Variants in CHST8 observed in about 807,000 individuals in gnomAD.
CHST8 encodes carbohydrate sulfotransferase 8.
CHST8 carries 10 observed loss-of-function variants against 15.0 expected under a neutral mutation model. The observed-to-expected ratio is 0.67, with a 90% CI of 0.41 to 1.13. The LOEUF (loss-of-function observed/expected upper bound fraction) is 1.13. CHST8 is among the 50% of genes most tolerant of loss of function. The pLI, the probability that CHST8 is intolerant of heterozygous loss-of-function variation, is 0.00. For missense variants in CHST8, 634 were observed against 608.2 expected (o/e 1.04, Z -0.45); for synonymous variants, 259 against 256.6 (o/e 1.01, Z -0.09).
At chr19:33,657,427 C>A (rs1972525125) in intron 1 of CHST8, among the ~76,000 whole-genome samples, 1 of 151,976 alleles carries the variant, frequency 6.6e-6, no homozygotes, top group Admixed American at 6.6e-5. Flanking sequence ...CACCACCACG[C>A]CTGCCTAATT....
chr19:33,644,611 T>G lies in CHST8; in HGVS notation c.-164+22315T>G, dbSNP rs906503684. On this transcript the variant is annotated intron_variant, in intron 1 of 4. Transcript: ENST00000650847. ...TTTTAATTAGCCAGGCATGGTGGTG[T>G]GCACTTGTAGTCCCAGCAACTTGAG... 7.4e-4 allele frequency among the ~76,000 whole-genome samples: 112 copies of G among 151,982 alleles called. 1 individual carries two copies. The highest frequency in any genetic ancestry group is 2.7e-3 in the African/African-American group (110 of 41,362).
intron 1 of CHST8, among the ~76,000 whole-genome samples, chr19:33,635,561 C>T (rs891442401): frequency 6.6e-5 from 10 of 152,142 alleles, no homozygotes; most frequent in African/African-American, 2.4e-4. Flanking sequence ...GTTATGATGG[C>T]ACCTCCTCCA....
At chr19:33,705,562 G>A (rs1018811230) in intron 3 of CHST8, among the ~76,000 whole-genome samples, 1 of 152,226 alleles carries the variant, frequency 6.6e-6, no homozygotes, top group African/African-American at 2.4e-5. Context: ...TTCAAGCAAA[G>A]CTTTCCTGCG....
At chr19:33,637,222 T>C (rs528110413) in intron 1 of CHST8, among the ~76,000 whole-genome samples, 1 of 152,112 alleles carries the variant, frequency 6.6e-6, no homozygotes, top group South Asian at 2.1e-4. Flanking sequence ...ATGACCTGTA[T>C]CTTGTGCTGA....
At chr19:33,674,427 G>A (rs979640988) in intron 2 of CHST8, among the ~76,000 whole-genome samples, 7 of 152,276 alleles carry the variant, frequency 4.6e-5, no homozygotes, top group Non-Finnish European at 2.9e-5. Flanking sequence ...TTTTAATTAC[G>A]GCTCCCATGC....
chr19:33,655,726 T>G (rs1216039591), intron 1 of CHST8, among the ~76,000 whole-genome samples: 1 of 152,186 alleles, frequency 6.6e-6, no homozygotes, highest in Non-Finnish European at 1.5e-5. Flanking sequence ...TTTATAAATT[T>G]TTTTTGCATC....
chr19:33,757,517 A>AGAAG (rs1222924466), intron 3 of CHST8, among the ~76,000 whole-genome samples: 1 of 67,742 alleles, frequency 1.5e-5, no homozygotes, highest in Non-Finnish European at 2.9e-5. Context: ...AAAGAAAGAA[A>AGAAG]GAAAGAGAAA....
intron 3 of CHST8, among the ~76,000 whole-genome samples, chr19:33,706,558 G>A (rs1415408513): frequency 6.6e-6 from 1 of 152,098 alleles, no homozygotes; most frequent in Non-Finnish European, 1.5e-5. Context: ...AAATGACTTG[G>A]GCCCCACAGA....
At chr19:33,647,503 T>C (rs985081469) in intron 1 of CHST8, among the ~76,000 whole-genome samples, 1 of 152,026 alleles carries the variant, frequency 6.6e-6, no homozygotes, top group South Asian at 2.1e-4. Flanking sequence ...ACACTGGAGA[T>C]TGTGAATAGG....
intron 1 of CHST8, among the ~76,000 whole-genome samples, chr19:33,647,858 TAAATA>T (rs918494211): frequency 1.1e-4 from 17 of 151,100 alleles, no homozygotes; most frequent in Admixed American, 9.9e-4. Flanking sequence ...AATAAATAAA[TAAATA>T]AAATAAAATA....
chr19:33,689,306 T>C lies in CHST8; in HGVS notation c.45T>C (p.Ser15=). The change falls in exon 3 of 5, where the codon TCT becomes TCC. Residue 15 remains serine (S), a synonymous_variant. Coordinates refer to ENST00000650847, the MANE Select transcript of CHST8 (RefSeq NM_001127895.2). ...CAATGCGGCTGGCCTGCATGTTCTC[T>C]TCCATCCTGCTGTTCGGAGCTGCAG... is the stretch of plus-strand genomic sequence containing the variant. ...PGTMRLACMF[S]SILLFGAAGL... The C allele has an allele frequency of 6.2e-7, 1 of 1,609,574 alleles. No individual in the cohort carries two copies. The highest frequency in any genetic ancestry group is 8.5e-7 in the Non-Finnish European group (1 of 1,178,464).
intron 1 of CHST8, among the ~76,000 whole-genome samples, chr19:33,643,892 T>G (rs1376113874): frequency 6.6e-6 from 1 of 152,248 alleles, no homozygotes; most frequent in African/African-American, 2.4e-5. Context: ...CTATTTATCC[T>G]TACAAATAAG....
chr19:33,752,095 C>T (rs920709744), intron 3 of CHST8, among the ~76,000 whole-genome samples: 35 of 152,182 alleles, frequency 2.3e-4, no homozygotes, highest in Admixed American at 2.3e-3. Flanking sequence ...GCTGCCTGAG[C>T]CCCAGGACGA....
Position 33,771,914 on chromosome 19 carries a change from G to A in CHST8, c.169-43G>A, listed in dbSNP as rs550262392. On this transcript the variant is annotated intron_variant, in intron 4 of 4. Coordinates refer to ENST00000650847, the MANE Select transcript of CHST8 (RefSeq NM_001127895.2). ...TGACCTGTGTGGCCCTCAGTGCCCA[G>A]CTGTCCTTTCCACTCAGATAACCAC... 27 of 1,522,998 alleles carry A rather than the reference G, an allele frequency of 1.8e-5. No homozygotes were observed. In the African/African-American group the frequency reaches 2.8e-4, roughly 16 times the overall value. The allele number at this position is 1,522,998 out of a possible 1,614,324, so 94.3% of individuals were successfully genotyped here.
intron 3 of CHST8, among the ~76,000 whole-genome samples, chr19:33,700,106 G>A (rs1324952646): frequency 3.3e-5 from 5 of 152,182 alleles, no homozygotes; most frequent in African/African-American, 1.2e-4. Flanking sequence ...ACTCCTTCCT[G>A]GGCTGGTACC....
At position 33,757,462 on chromosome 19, in the gene CHST8, GAAA is replaced by G. The variant is rs1974589945; in HGVS notation, c.131-13950_131-13948del. ...AGAAAGAAAGAAAGAAAGAAAGAAA[GAAA>G]GAAAGAAAGAAAGAAAGAAAGAAAG... is the stretch of plus-strand genomic sequence containing the variant. On this transcript the variant is annotated intron_variant, in intron 3 of 4. Coordinates refer to ENST00000650847, the MANE Select transcript of CHST8 (RefSeq NM_001127895.2). Among the ~76,000 whole-genome samples, 24 of 38,142 alleles carry G rather than the reference GAAA, an allele frequency of 6.3e-4. 7 individuals carry two copies. The highest frequency in any genetic ancestry group is 1.1e-3 in the Non-Finnish European group (20 of 18,934). The allele number at this position is 38,142 out of a possible 152,430, so 25.0% of individuals were successfully genotyped here.
intron 1 of CHST8, among the ~76,000 whole-genome samples, chr19:33,633,073 C>T (rs540968359): frequency 1.3e-5 from 2 of 152,236 alleles, no homozygotes; most frequent in South Asian, 4.1e-4. Flanking sequence ...TCAGGTGATC[C>T]ACCCGCCTCG....
intron 3 of CHST8, among the ~76,000 whole-genome samples, chr19:33,693,305 C>A (rs147754608): frequency 6.6e-6 from 1 of 152,264 alleles, no homozygotes; most frequent in East Asian, 1.9e-4. Context: ...CGTGCCCAGC[C>A]TCAGCCATAA....
intron 1 of CHST8, among the ~76,000 whole-genome samples, chr19:33,641,081 G>C (rs1389683823): frequency 6.6e-6 from 1 of 152,322 alleles, no homozygotes; most frequent in East Asian, 1.9e-4. Context: ...GATGGGCTGA[G>C]TCCTCAGCTG....
Sources: allele counts gnomAD v4.1 joint callset (sites outside exome capture counted in the v4.1 genomes callset), GRCh38; gene constraint gnomAD v4.1.1; transcripts MANE v1.5; gene names NCBI Gene and HGNC (gene_info 2026-07-23, HGNC 2026-07-21).